Variants in RBM6 observed in about 807,000 individuals in gnomAD.
RBM6 encodes RNA binding motif protein 6.
A neutral mutation model predicts 140.4 loss-of-function variants in RBM6; 23 were observed. The ratio of observed to expected loss-of-function variants is 0.16; its 90% CI spans 0.12 to 0.23. The LOEUF (loss-of-function observed/expected upper bound fraction) is 0.23. Ranked by LOEUF, RBM6 falls within the 10% of genes least tolerant of loss-of-function variation. The pLI is 1.00. For missense variants in RBM6, 1,139 were observed against 1,386.7 expected (o/e 0.82, Z 2.84); for synonymous variants, 439 against 475.6 (o/e 0.92, Z 1.00).
At chr3:50,065,165 C>T in intron 16 of RBM6, 39 bp downstream of exon 16, 1 of 1,506,680 alleles carries the variant, frequency 6.6e-7, no homozygotes. Flanking sequence ...AGGGCTGGGG[C>T]TGGGGATGGT....
At chr3:50,016,906 A>G (rs1280332598) in intron 6 of RBM6, among the ~76,000 whole-genome samples, 1 of 150,694 alleles carries the variant, frequency 6.6e-6, no homozygotes, top group South Asian at 2.1e-4. Flanking sequence ...GCTTACTGCA[A>G]TCTCTGCCTC....
intron 18 of RBM6, among the ~76,000 whole-genome samples, chr3:50,069,507 C>CAAA (rs60210595): frequency 1.1e-3 from 123 of 107,392 alleles, no homozygotes; most frequent in Non-Finnish European, 1.1e-3. Flanking sequence ...GACCTTGTCT[C>CAAA]AAAAAAAAAA....
intron 3 of RBM6, among the ~76,000 whole-genome samples, chr3:49,971,568 C>T (rs1424734844): frequency 6.6e-6 from 1 of 151,292 alleles, no homozygotes; most frequent in Non-Finnish European, 1.5e-5. Context: ...ACGGGGGTCT[C>T]GCTCTGTCAC....
intron 6 of RBM6, among the ~76,000 whole-genome samples, chr3:50,039,553 C>T (rs952905842): frequency 2.0e-5 from 3 of 150,288 alleles, no homozygotes; most frequent in South Asian, 4.2e-4. Flanking sequence ...ACCCAGCATA[C>T]GGAAATAAAT....
chr3:49,986,558 G>A (rs2085565180), intron 5 of RBM6, among the ~76,000 whole-genome samples: 1 of 147,060 alleles, frequency 6.8e-6, no homozygotes, highest in Non-Finnish European at 1.5e-5. Flanking sequence ...TAGCGCCAAT[G>A]CACTCCAGCC....
At chr3:50,064,076 G>A (rs1018372028) in intron 15 of RBM6, among the ~76,000 whole-genome samples, 1 of 151,944 alleles carries the variant, frequency 6.6e-6, no homozygotes, top group African/African-American at 2.4e-5. Flanking sequence ...TGGGATATCA[G>A]GCGCTGCCAC....
intron 1 of RBM6, among the ~76,000 whole-genome samples, chr3:49,951,298 T>A (rs1196292055): frequency 6.6e-6 from 1 of 151,782 alleles, no homozygotes; most frequent in Non-Finnish European, 1.5e-5. Context: ...CTGCAACCTC[T>A]GCCTCCCAGG....
At chr3:49,983,309 C>G (rs1267833789) in intron 5 of RBM6, among the ~76,000 whole-genome samples, 1 of 152,030 alleles carries the variant, frequency 6.6e-6, no homozygotes, top group Non-Finnish European at 1.5e-5. Context: ...TTGTGAAACT[C>G]GAGAATTGAC....
Position 50,061,973 on chromosome 3 carries a change from T to C in RBM6, c.2451T>C (p.Tyr817=). ...YYDPNTQQEV[Y]VPQDPGLPEE... ...CAACTGTATCGCAGCAAGAAGTCTA[T>C]GTGCCCCAGGATCCTGGATTACCTG... The change falls in exon 15 of 21, where the codon TAT becomes TAC. Residue 817 remains tyrosine, a synonymous_variant. Coordinates refer to ENST00000266022, the MANE Select transcript of RBM6 (RefSeq NM_005777.3). 13 of 1,613,136 alleles carry C rather than the reference T, an allele frequency of 8.1e-6. No homozygotes were observed. The highest frequency in any genetic ancestry group is 1.1e-5 in the Non-Finnish European group (13 of 1,179,782).
intron 6 of RBM6, among the ~76,000 whole-genome samples, chr3:50,033,716 C>G (rs1174570573): frequency 6.6e-6 from 1 of 152,124 alleles, no homozygotes; most frequent in Non-Finnish European, 1.5e-5. Flanking sequence ...GTAATCTCAG[C>G]TCACTGCAAG....
intron 2 of RBM6, among the ~76,000 whole-genome samples, chr3:49,963,638 T>G (rs979073347): frequency 2.6e-5 from 4 of 152,080 alleles, no homozygotes; most frequent in African/African-American, 9.7e-5. Context: ...CCAAGAAGAG[T>G]GGAGAAAGTG....
intron 5 of RBM6, among the ~76,000 whole-genome samples, chr3:49,978,673 G>C (rs879813005): frequency 1.3e-5 from 2 of 152,084 alleles, no homozygotes; most frequent in South Asian, 4.1e-4. Flanking sequence ...TAATACTTAC[G>C]CTGCAAAATT....
chr3:49,987,920 G>A (rs1051276229), intron 5 of RBM6, among the ~76,000 whole-genome samples: 1 of 152,054 alleles, frequency 6.6e-6, no homozygotes, highest in Non-Finnish European at 1.5e-5. Context: ...TTACAGGTAT[G>A]AGCCACCACG....
chr3:49,967,268 T>C lies in RBM6; in HGVS notation c.45-202T>C. Reference sequence around the variant, plus strand: ...TGTTGACTTTCCTCGTGTTCTGAAATGGGAGCATAAAAGTTTACTCCGCCA... The same window carrying C: ...TGTTGACTTTCCTCGTGTTCTGAAACGGGAGCATAAAAGTTTACTCCGCCA... On this transcript the variant is annotated intron_variant, in intron 2 of 20. Transcript: ENST00000266022. This position sits in a 1 kb window ranked among gnomAD's most constrained non-coding sequence, Gnocchi z 4.0. 2 of 1,359,822 alleles carry C rather than the reference T, an allele frequency of 1.5e-6. No homozygotes were observed. Among genetic ancestry groups the C allele is most frequent in the Non-Finnish European group, 9.4e-7 (1 of 1,058,682 alleles). The allele number at this position is 1,359,822 out of a possible 1,614,324, so 84.2% of individuals were successfully genotyped here.
chr3:49,972,426 A>C (rs903696756), intron 4 of RBM6, among the ~76,000 whole-genome samples: 1 of 152,156 alleles, frequency 6.6e-6, no homozygotes, highest in Non-Finnish European at 1.5e-5. Flanking sequence ...ATGACAAATG[A>C]TTGCTCTCTT....
chr3:49,949,538 G>A lies in RBM6; in HGVS notation c.-67+9313G>A, dbSNP rs192425892. ...CTCCCGAGTAGCTGGGACTACAGGC[G>A]CCTGTCACCATGCCCTGCTAATTTC... On this transcript the variant is annotated intron_variant, in intron 1 of 20. Transcript: ENST00000266022. Among the ~76,000 whole-genome samples, 8 of 152,140 alleles carry A rather than the reference G, an allele frequency of 5.3e-5. No homozygotes were observed. In the South Asian group the frequency reaches 1.2e-3, roughly 24 times the overall value.
At chr3:49,996,145 G>A (rs1444526303) in intron 5 of RBM6, among the ~76,000 whole-genome samples, 1 of 152,138 alleles carries the variant, frequency 6.6e-6, no homozygotes, top group Non-Finnish European at 1.5e-5. Context: ...CTCTGAGTGG[G>A]CATTCACTGT....
At chr3:50,016,041 T>A (rs905799779) in intron 6 of RBM6, among the ~76,000 whole-genome samples, 1 of 152,232 alleles carries the variant, frequency 6.6e-6, no homozygotes, top group Non-Finnish European at 1.5e-5. Context: ...TTCTTCCTCC[T>A]GTCTGACTGA....
rs563083025 is a variant in RBM6, at chr3:50,010,688, AG to A, written c.1557+11177del. ...GAGGCTGAGGCGGGCAGATCACCTG[AG>A]GTCAGGAGTTCTAGACTAGCCTGGC... On this transcript the variant is annotated intron_variant, in intron 6 of 20. Coordinates refer to ENST00000266022, the MANE Select transcript of RBM6 (RefSeq NM_005777.3). Among the ~76,000 whole-genome samples, 518 of 152,008 alleles carry A rather than the reference AG, an allele frequency of 3.4e-3. 2 individuals carry two copies. Among genetic ancestry groups the A allele is most frequent in the African/African-American group, 0.012 (505 of 41,446 alleles).
Sources: gnomAD v4.1 joint callset for allele counts (sites outside exome capture counted in the v4.1 genomes callset) on GRCh38, gnomAD v4.1.1 for gene constraint, Gnocchi (gnomAD v3.1) non-coding constraint, MANE v1.5 for transcripts, NCBI Gene and HGNC (gene_info 2026-07-23, HGNC 2026-07-21) for gene names.